The following DOCK3 variants were observed in gnomAD, a reference collection of about 807,000 sequenced individuals.
DOCK3 encodes the protein dedicator of cytokinesis 3.
Under a neutral mutation model 265.6 loss-of-function variants are expected in DOCK3, and 60 were observed. The ratio of observed to expected loss-of-function variants is 0.23; its 90% CI spans 0.18 to 0.28. The LOEUF (loss-of-function observed/expected upper bound fraction) is 0.28. DOCK3 is among the 10% of genes least tolerant of loss of function. DOCK3 has a pLI of 1.00. For missense variants in DOCK3, 1,981 were observed against 2,594.3 expected (o/e 0.76, Z 5.14); for synonymous variants, 881 against 938.0 (o/e 0.94, Z 1.11).
intron 9 of DOCK3, among the ~76,000 whole-genome samples, chr3:51,103,202 A>G (rs1192516142): frequency 1.3e-5 from 2 of 152,210 alleles, no homozygotes; most frequent in African/African-American, 4.8e-5. Context: ...AAGACATAGA[A>G]TGGAGAGAAA....
At chr3:51,192,703 G>A (rs1239762732) in intron 12 of DOCK3, among the ~76,000 whole-genome samples, 2 of 151,986 alleles carry the variant, frequency 1.3e-5, no homozygotes, top group East Asian at 3.9e-4. Context: ...TCTTGAGTGG[G>A]GATGAATTCT....
intron 12 of DOCK3, among the ~76,000 whole-genome samples, chr3:51,204,898 C>T (rs2108074803): frequency 6.6e-6 from 1 of 151,882 alleles, no homozygotes; most frequent in South Asian, 2.1e-4. Flanking sequence ...TCATCATTCT[C>T]AGTAAACTAT....
intron 2 of DOCK3, among the ~76,000 whole-genome samples, chr3:50,819,134 T>C (rs1323833095): frequency 6.6e-6 from 1 of 152,230 alleles, no homozygotes; most frequent in East Asian, 1.9e-4. Flanking sequence ...CATGTCCTAG[T>C]TTAATCTAGA....
chr3:51,237,886 C>G (rs1398943422), intron 21 of DOCK3, among the ~76,000 whole-genome samples: 3 of 151,870 alleles, frequency 2.0e-5, no homozygotes, highest in African/African-American at 7.3e-5. Context: ...TTAAAAATAA[C>G]TCCCCATTCT....
rs549392710 is a variant in DOCK3, at chr3:50,946,527, T to C, written c.315+12450T>C. On this transcript the variant is annotated intron_variant, in intron 5 of 52. Transcript: ENST00000266037. ...ATTTTGGCAGACACCCTAGTGGCTA[T>C]CCAGTATCCAGAATCTTCTTCCTTG... is the stretch of plus-strand genomic sequence containing the variant. Among the ~76,000 whole-genome samples, 3 of 152,346 alleles carry C rather than the reference T, an allele frequency of 2.0e-5. No homozygotes were observed. The East Asian group carries it at 5.8e-4, about 29-fold the overall frequency.
At chr3:50,787,342 C>A in intron 2 of DOCK3, 1 of 407,672 alleles carries the variant, frequency 2.5e-6, no homozygotes, top group Non-Finnish European at 4.5e-6. Context: ...TCGAGACCAG[C>A]CTGATCAACA....
At chr3:51,153,191 T>G (rs904882278) in intron 10 of DOCK3, among the ~76,000 whole-genome samples, 3 of 152,214 alleles carry the variant, frequency 2.0e-5, no homozygotes, top group African/African-American at 7.2e-5. Flanking sequence ...GTTTACCTAC[T>G]CAAGCCTCAG....
chr3:51,260,549 G>A (rs1000731846), intron 23 of DOCK3, among the ~76,000 whole-genome samples: 4 of 152,180 alleles, frequency 2.6e-5, no homozygotes, highest in African/African-American at 9.7e-5. Context: ...CTTTATGTTG[G>A]AGAAGAAGCA....
chr3:50,707,124 C>T (rs2036459256), intron 1 of DOCK3, among the ~76,000 whole-genome samples: 1 of 152,252 alleles, frequency 6.6e-6, no homozygotes, highest in South Asian at 2.1e-4. Flanking sequence ...CTCCCTGAGG[C>T]CTCACCAGAA....
intron 27 of DOCK3, among the ~76,000 whole-genome samples, chr3:51,283,753 A>G (rs1428066992): frequency 1.3e-5 from 2 of 152,110 alleles, no homozygotes; most frequent in Non-Finnish European, 2.9e-5. Flanking sequence ...TATAGCTTCT[A>G]CCCAAGGGAC....
At chr3:50,900,596 C>T in intron 4 of DOCK3, 4 of 383,646 alleles carry the variant, frequency 1.0e-5, no homozygotes, top group South Asian at 7.8e-5. Context: ...GCTGGTTTTT[C>T]CTCATCTTCG....
intron 10 of DOCK3, among the ~76,000 whole-genome samples, chr3:51,147,760 T>A (rs1354126887): frequency 6.6e-6 from 1 of 152,338 alleles, no homozygotes; most frequent in East Asian, 1.9e-4. Context: ...TTTGGGTTGG[T>A]TCTAAGTCTT....
At chr3:50,790,417 C>T (rs4688695) in intron 2 of DOCK3, among the ~76,000 whole-genome samples, 13,364 of 146,070 alleles carry the variant, frequency 0.091, 1,219 homozygotes, top group East Asian at 0.34. Context: ...TGAGATTTAT[C>T]CTTTAAGGAG....
intron 9 of DOCK3, among the ~76,000 whole-genome samples, chr3:51,142,112 T>A (rs2085093913): frequency 6.6e-6 from 1 of 152,204 alleles, no homozygotes. Flanking sequence ...ATTCTATCCC[T>A]CTTCACCTAC....
At chr3:51,280,082 G>C (rs759266135) in intron 26 of DOCK3, 24 bp from the exon 27 acceptor site, 10 of 1,607,828 alleles carry the variant, frequency 6.2e-6, no homozygotes, top group Admixed American at 1.7e-5. Flanking sequence ...GCCATGCTAA[G>C]TGTTTTTTTG....
chr3:51,015,445 T>G (rs572755144), intron 5 of DOCK3, among the ~76,000 whole-genome samples: 1 of 151,832 alleles, frequency 6.6e-6, no homozygotes, highest in Non-Finnish European at 1.5e-5. Flanking sequence ...GATTTGCATA[T>G]TTTGAACCAT....
chr3:51,035,220 C>T (rs193232603), intron 5 of DOCK3, among the ~76,000 whole-genome samples: 1 of 152,094 alleles, frequency 6.6e-6, no homozygotes, highest in Admixed American at 6.5e-5. Flanking sequence ...CCTTTTCCAG[C>T]CCTCAGATTC....
intron 4 of DOCK3, among the ~76,000 whole-genome samples, chr3:50,899,639 G>T (rs1490543089): frequency 6.6e-6 from 1 of 152,120 alleles, no homozygotes; most frequent in Non-Finnish European, 1.5e-5. Flanking sequence ...CATATTTAGT[G>T]CTTCCTTCAG....
At chr3:51,104,560 A>G (rs753160172) in intron 9 of DOCK3, among the ~76,000 whole-genome samples, 1 of 152,190 alleles carries the variant, frequency 6.6e-6, no homozygotes, top group Non-Finnish European at 1.5e-5. Context: ...TGGCAGCAGT[A>G]AAATGGCTTT....
Sources: gnomAD v4.1 joint callset for allele counts (sites outside exome capture counted in the v4.1 genomes callset) on GRCh38, gnomAD v4.1.1 for gene constraint, MANE v1.5 for transcripts, NCBI Gene and HGNC (gene_info 2026-07-23, HGNC 2026-07-21) for gene names.